Variants in CACNG4 observed in about 807,000 individuals in gnomAD.
CACNG4 encodes voltage-dependent calcium channel gamma-4 subunit.
Under a neutral mutation model 22.9 loss-of-function variants are expected in CACNG4, and 8 were observed. That is an observed-to-expected ratio of 0.35 (90% CI 0.21 to 0.63). The LOEUF is 0.63. CACNG4 is among the 30% of genes least tolerant of loss of function. The pLI, the probability that CACNG4 is intolerant of heterozygous loss-of-function variation, is 0.72. For missense variants in CACNG4, 357 were observed against 455.4 expected, an observed-to-expected ratio of 0.78 and a Z score of 1.97; for synonymous variants, 188 against 191.9, an observed-to-expected ratio of 0.98 and a Z score of 0.17.
intron 1 of CACNG4, among the ~76,000 whole-genome samples, chr17:66,983,777 C>G (rs1170733502): frequency 1.3e-5 from 2 of 152,230 alleles, no homozygotes; most frequent in African/African-American, 4.8e-5. Flanking sequence ...CACCCACTGG[C>G]ACACTTTCAC....
chr17:67,024,742 C>T (rs969531772), intron 2 of CACNG4, 118 bp from the exon 3 acceptor site: 4 of 1,184,590 alleles, frequency 3.4e-6, no homozygotes, highest in Non-Finnish European at 4.5e-6. Context: ...TGATGGGAAT[C>T]TCAAATCCTG....
chr17:67,018,303 T>C (rs756360843), intron 2 of CACNG4, 31 bp downstream of exon 2: 10 of 1,563,768 alleles, frequency 6.4e-6, no homozygotes, highest in Non-Finnish European at 8.8e-6. Context: ...ACTCTCTTTC[T>C]GTGGGGAGGC....
chr17:67,015,493 AGTTT>A (rs1301284262), intron 1 of CACNG4, among the ~76,000 whole-genome samples: 2 of 152,180 alleles, frequency 1.3e-5, no homozygotes, highest in African/African-American at 4.8e-5. Flanking sequence ...ATTGCACTAC[AGTTT>A]TGCACGATGT....
At position 67,031,574 on chromosome 17, in the gene CACNG4, C is replaced by T; in HGVS notation, c.*570C>T. On this transcript the variant is annotated 3_prime_UTR_variant, in exon 4 of 4. Coordinates refer to ENST00000262138, the MANE Select transcript of CACNG4 (RefSeq NM_014405.4). This position sits in a 1 kb window ranked among gnomAD's most constrained non-coding sequence, Gnocchi z 4.0. ...AAGACTCTGGCAGTGGCCTATGATC[C>T]TGAAGACAGCTCTGCAGCCAACTGG... 1 of 457,002 alleles carries T rather than the reference C, an allele frequency of 2.2e-6. No individual in the cohort carries two copies. The highest frequency in any genetic ancestry group is 4.4e-6 in the Non-Finnish European group (1 of 227,034). The allele number at this position is 457,002 out of a possible 1,614,324, so 28.3% of individuals were successfully genotyped here.
chr17:67,026,293 G>A (rs566356940), intron 3 of CACNG4, among the ~76,000 whole-genome samples: 152 of 151,170 alleles, frequency 1.0e-3, no homozygotes, highest in Non-Finnish European at 1.6e-3. Context: ...GTGTTTGTGC[G>A]TGTTAAGAGT....
At chr17:66,999,931 A>G (rs2035398112) in intron 1 of CACNG4, among the ~76,000 whole-genome samples, 1 of 152,146 alleles carries the variant, frequency 6.6e-6, no homozygotes, top group Non-Finnish European at 1.5e-5. Context: ...GAGAGAGCCA[A>G]CGCCTCCTCC....
chr17:66,967,988 C>G (rs2035180583), intron 1 of CACNG4, among the ~76,000 whole-genome samples: 2 of 152,204 alleles, frequency 1.3e-5, no homozygotes, highest in South Asian at 4.1e-4. Flanking sequence ...CTTCTGCCTG[C>G]CCCTCTGCTG....
At chr17:66,978,453 G>A (rs1014472920) in intron 1 of CACNG4, among the ~76,000 whole-genome samples, 4 of 152,024 alleles carry the variant, frequency 2.6e-5, no homozygotes, top group Non-Finnish European at 5.9e-5. Flanking sequence ...TAATTCCCAG[G>A]GTTCCTCCTG....
At chr17:67,018,730 A>T (rs992804990) in intron 2 of CACNG4, among the ~76,000 whole-genome samples, 1 of 152,042 alleles carries the variant, frequency 6.6e-6, no homozygotes, top group Non-Finnish European at 1.5e-5. Flanking sequence ...GAAAAATCAG[A>T]TACAGTCACA....
chr17:66,980,032 G>A lies in CACNG4; in HGVS notation c.220+14901G>A, dbSNP rs559174987. 3.9e-5 allele frequency among the ~76,000 whole-genome samples: 6 copies of A among 152,286 alleles called. No homozygotes were observed. The South Asian group carries it at 1.2e-3, about 32-fold the overall frequency. The stretch of plus-strand genomic sequence containing the variant: ...GCCTCCCAAAGTGCTGGGATTACAG[G>A]CATGAGCCACTGCACCCAGCCTGTT... On this transcript the variant is annotated intron_variant, in intron 1 of 3. Transcript: ENST00000262138.
At chr17:66,971,828 G>T (rs2035206729) in intron 1 of CACNG4, among the ~76,000 whole-genome samples, 1 of 152,178 alleles carries the variant, frequency 6.6e-6, no homozygotes, top group Admixed American at 6.5e-5. Flanking sequence ...TGAGGTCAGG[G>T]TCAGAAGCCT....
chr17:67,013,440 C>T (rs1259820253), intron 1 of CACNG4, among the ~76,000 whole-genome samples: 1 of 152,178 alleles, frequency 6.6e-6, no homozygotes, highest in South Asian at 2.1e-4. Flanking sequence ...ATTACTCTAT[C>T]GCTCAGAAAT....
At chr17:67,002,608 A>G (rs940018135) in intron 1 of CACNG4, among the ~76,000 whole-genome samples, 1 of 136,292 alleles carries the variant, frequency 7.3e-6, no homozygotes, top group Non-Finnish European at 1.6e-5. Flanking sequence ...TCCACCTCTC[A>G]TCTCTCTCTT....
chr17:66,965,175 C>CACACACACAT, intron 1 of CACNG4, 44 bp downstream of exon 1: 1 of 1,130,148 alleles, frequency 8.8e-7, no homozygotes, highest in Middle Eastern at 2.7e-4. Context: ...CACACACACA[C>CACACACACAT]ACACACACAC....
rs150227438 is a variant in CACNG4 at position 66,984,167 on chromosome 17, C to T, written c.220+19036C>T. ...GCCAAGGCAGGAGGATCACTAGAGG[C>T]CAGGAGTTCAAGACCAGTTTGGCAA... On this transcript the variant is annotated intron_variant, in intron 1 of 3. Coordinates refer to ENST00000262138, the MANE Select transcript of CACNG4 (RefSeq NM_014405.4). This position sits in a 1 kb window ranked among gnomAD's most constrained non-coding sequence, Gnocchi z 4.0. 0.015 allele frequency among the ~76,000 whole-genome samples: 2,207 copies of T among 151,158 alleles called. 27 individuals are homozygous for T. Among genetic ancestry groups the T allele is most frequent in the Middle Eastern group, 0.058 (17 of 294 alleles).
chr17:67,006,520 G>A (rs1225333154), intron 1 of CACNG4, among the ~76,000 whole-genome samples: 3 of 152,004 alleles, frequency 2.0e-5, no homozygotes, highest in Non-Finnish European at 4.4e-5. Context: ...TCTGGGCTTC[G>A]TCTCGCCTGG....
intron 1 of CACNG4, among the ~76,000 whole-genome samples, chr17:67,017,794 G>T (rs1275361241): frequency 6.6e-6 from 1 of 152,054 alleles, no homozygotes; most frequent in Non-Finnish European, 1.5e-5. Flanking sequence ...GGGATTACAG[G>T]CATGAGCCAC....
intron 1 of CACNG4, among the ~76,000 whole-genome samples, chr17:66,987,004 G>A (rs1210858341): frequency 2.0e-5 from 3 of 152,200 alleles, no homozygotes; most frequent in Non-Finnish European, 4.4e-5. Flanking sequence ...CACATCTTGA[G>A]TGATTCCATT....
chr17:67,002,286 G>C (rs2143327693), intron 1 of CACNG4, among the ~76,000 whole-genome samples: 1 of 152,328 alleles, frequency 6.6e-6, no homozygotes, highest in African/African-American at 2.4e-5. Context: ...CACGAGAACA[G>C]CATGGGAAAG....
Sources: allele counts gnomAD v4.1 joint callset (sites outside exome capture counted in the v4.1 genomes callset), GRCh38; gene constraint gnomAD v4.1.1; non-coding constraint Gnocchi (gnomAD v3.1); transcripts MANE v1.5; gene names NCBI Gene and HGNC (gene_info 2026-07-23, HGNC 2026-07-21).